UBE2S: variants seen among roughly 807,000 people sequenced by gnomAD.
UBE2S encodes the protein ubiquitin conjugating enzyme E2 S.
UBE2S carries 3 observed loss-of-function variants against 12.3 expected under a neutral mutation model. The observed-to-expected ratio is 0.24, with a 90% CI of 0.11 to 0.63. UBE2S has a LOEUF of 0.63. Among genes scored for constraint, UBE2S ranks in the 30% least tolerant of loss-of-function variants. The pLI is 0.85. For synonymous variants in UBE2S, 133 were observed against 142.0 expected (o/e 0.94, Z 0.45); for missense variants, 211 against 313.9 (o/e 0.67, Z 2.48).
chr19:55,401,830 G>A (rs2090061643), intron 3 of UBE2S, 68 bp from the exon 4 acceptor site: 1 of 1,550,662 alleles, frequency 6.4e-7, no homozygotes, highest in Non-Finnish European at 8.9e-7. Flanking sequence ...CTCCACAAGA[G>A]GGTGGCCTCC....
At chr19:55,407,280 A>G (rs998868395) in intron 1 of UBE2S, among the ~76,000 whole-genome samples, 23 of 129,858 alleles carry the variant, frequency 1.8e-4, no homozygotes, top group Admixed American at 2.9e-4. Context: ...CCCCTTCTCC[A>G]CTAATTTTTG....
Position 55,404,321 on chromosome 19 carries a change from C to T in UBE2S, c.309G>A (p.Trp103Ter). ...EICVNVLKRD[W>*]TAELGIRHVL... ...CGTGTCGGATGCCCAGCTCAGCCGT[C>T]CAGTCCCTCTTGAGCACGTTGACGC... Residue 103 changes from tryptophan to a stop codon, truncating the protein, a stop_gained, in exon 3 of 4, where the codon TGG becomes TGA. Coordinates refer to ENST00000264552, the MANE Select transcript of UBE2S (RefSeq NM_014501.3). LOFTEE classifies it low-confidence loss of function (END_TRUNC). This position sits in a 1 kb window ranked among gnomAD's most constrained non-coding sequence, Gnocchi z 4.4. The T allele has an allele frequency of 6.2e-7, 1 of 1,613,564 alleles. No individual in the cohort carries two copies. The highest frequency in any genetic ancestry group is 8.5e-7 in the Non-Finnish European group (1 of 1,179,872).
intron 1 of UBE2S, 36 bp from the exon 2 acceptor site, chr19:55,406,998 T>TA (rs1163858020): frequency 6.2e-7 from 1 of 1,605,794 alleles, no homozygotes; most frequent in Non-Finnish European, 8.5e-7. Context: ...GAGCGAGTGT[T>TA]AAGAGCTGGG....
In UBE2S at chr19:55,401,562, G is replaced by T; in HGVS notation, c.543C>A (p.Asp181Glu). 2 of 1,610,378 alleles carry T rather than the reference G, an allele frequency of 1.2e-6. No homozygotes were observed. Among genetic ancestry groups the T allele is most frequent in the East Asian group, 2.2e-5 (1 of 44,836 alleles). Residue 181 changes from aspartate (D) to glutamate (E), a missense_variant, in exon 4 of 4, where the codon GAC becomes GAA. Physicochemically the swap from Asp to Glu is conservative, Grantham distance 45 (BLOSUM62 2). This residue lies in a region of UBE2S where 84 missense variants were observed against 89.9 expected (regional missense o/e 0.93). Transcript: ENST00000264552. ...LASGTEASSTDPGAPGGPGGA... is the reference protein window; with the variant it reads ...LASGTEASSTEPGAPGGPGGA... ...CTCCCGGGCCCCCTGGGGCCCCAGG[G>T]TCGGTGGAGGAAGCTTCAGTGCCAC...
rs989660990 is a variant in UBE2S, at chr19:55,400,235, C to T, written c.*1201G>A. On this transcript the variant is annotated 3_prime_UTR_variant, in exon 4 of 4. Coordinates refer to ENST00000264552, the MANE Select transcript of UBE2S (RefSeq NM_014501.3). ...AGATGGGATCTCACTGTGTTGCCCA[C>T]GTTCGTCTTTAACTCCTGGCCTCAA... 23 of 152,200 alleles carry T rather than the reference C, an allele frequency of 1.5e-4. No homozygotes were observed. Among genetic ancestry groups the T allele is most frequent in the African/African-American group, 4.6e-4 (19 of 41,434 alleles). 9.4% of individuals were successfully genotyped at this position (152,200 alleles called of 1,614,324 possible).
intron 3 of UBE2S, chr19:55,402,810 GA>G (rs2090070572): frequency 8.6e-6 from 6 of 700,752 alleles, no homozygotes; most frequent in Non-Finnish European, 1.4e-5. Flanking sequence ...ATGTGGGAGG[GA>G]AGGGTTTGGG....
chr19:55,407,694 G>T lies in UBE2S; in HGVS notation c.-105C>A. The T allele has an allele frequency of 1.1e-6, 1 of 879,272 alleles. No individual in the cohort carries two copies. Among genetic ancestry groups the T allele is most frequent in the Non-Finnish European group, 1.5e-6 (1 of 659,528 alleles). The allele number at this position is 879,272 out of a possible 1,614,324, so 54.5% of individuals were successfully genotyped here. On this transcript the variant is annotated 5_prime_UTR_variant, in exon 1 of 4. Transcript: ENST00000264552. ...CTGCTGCCGCTGCGGCCCTGGAGAG[G>T]CCCCGGCGGCCCCGCTCCGCTCCCC...
chr19:55,402,367 G>A (rs964495471), intron 3 of UBE2S, among the ~76,000 whole-genome samples: 1 of 152,236 alleles, frequency 6.6e-6, no homozygotes, highest in Admixed American at 6.5e-5. Flanking sequence ...AAGAGGGCAA[G>A]ACACCAGGAC....
chr19:55,406,800 TC>T lies in UBE2S; in HGVS notation c.151+14del, dbSNP rs1338373898. 8.7e-6 allele frequency: 14 copies of T among 1,606,396 alleles called. No individual in the cohort carries two copies. The highest frequency in any genetic ancestry group is 1.2e-5 in the Non-Finnish European group (14 of 1,175,980). Reference sequence around the variant, plus strand: ...TCTAAGCAGCAGCCCCTTCTCTTTTTCCTTCCAAACTCACCAGGGCCCTCGA... The same window carrying T: ...TCTAAGCAGCAGCCCCTTCTCTTTTTCTTCCAAACTCACCAGGGCCCTCGA... On this transcript the variant is annotated intron_variant, in intron 2 of 3. Coordinates refer to ENST00000264552, the MANE Select transcript of UBE2S (RefSeq NM_014501.3).
chr19:55,404,126 A>T lies in UBE2S; in HGVS notation c.342+162T>A. 1 of 914,806 alleles carries T rather than the reference A, an allele frequency of 1.1e-6. No homozygotes were observed. The highest frequency in any genetic ancestry group is 1.6e-6 in the Non-Finnish European group (1 of 607,186). The allele number at this position is 914,806 out of a possible 1,614,324, so 56.7% of individuals were successfully genotyped here. A position where few individuals can be genotyped will look rare whatever the true frequency, so the allele number is the denominator to read the frequency against. ...AGTACTTGGGTGTCCTGGGTCTGGC[A>T]CTGTTTGTCTTTCCAGGAAAGCTAG... On this transcript the variant is annotated intron_variant, in intron 3 of 3. Coordinates refer to ENST00000264552, the MANE Select transcript of UBE2S (RefSeq NM_014501.3). The surrounding 1 kb of genome is among the most constrained non-coding windows in gnomAD (Gnocchi z 4.4).
intron 3 of UBE2S, among the ~76,000 whole-genome samples, chr19:55,402,594 G>A (rs1373197554): frequency 6.6e-6 from 1 of 152,184 alleles, no homozygotes; most frequent in African/African-American, 2.4e-5. Flanking sequence ...CTCAGCAGAT[G>A]CTCAGCAGAT....
intron 2 of UBE2S, among the ~76,000 whole-genome samples, chr19:55,405,013 C>G (rs1425889755): frequency 1.3e-5 from 2 of 150,724 alleles, no homozygotes; most frequent in Non-Finnish European, 3.0e-5. Context: ...GAGTTCAAGA[C>G]CAGCCAGACC....
intron 2 of UBE2S, among the ~76,000 whole-genome samples, chr19:55,406,458 G>T (rs2090096629): frequency 6.6e-6 from 1 of 152,122 alleles, no homozygotes; most frequent in Non-Finnish European, 1.5e-5. Context: ...TGGAGTTTGA[G>T]ATCACCTGGC....
chr19:55,406,696 T>C, intron 2 of UBE2S, 119 bp downstream of exon 2: 1 of 1,303,674 alleles, frequency 7.7e-7, no homozygotes, highest in African/African-American at 1.5e-5. Flanking sequence ...TGTCCACCAA[T>C]GCATCCCAAC....
intron 3 of UBE2S, chr19:55,403,124 A>C: frequency 1.2e-6 from 1 of 809,194 alleles, no homozygotes; most frequent in Non-Finnish European, 2.1e-6. Context: ...GGCACCCCCG[A>C]GTTGTGACAA....
intron 1 of UBE2S, among the ~76,000 whole-genome samples, chr19:55,407,195 A>AACC (rs2090101920): frequency 6.1e-5 from 7 of 115,342 alleles, no homozygotes; most frequent in Admixed American, 9.3e-5. Context: ...CCACCCCAGA[A>AACC]CCCCCCCCCC....
chr19:55,402,286 T>C (rs2090065619), intron 3 of UBE2S, among the ~76,000 whole-genome samples: 1 of 152,212 alleles, frequency 6.6e-6, no homozygotes, highest in African/African-American at 2.4e-5. Flanking sequence ...ACAGCATAAA[T>C]CCTGACCTCT....
In UBE2S at chr19:55,407,756, A is replaced by C; in HGVS notation, c.-167T>G. On this transcript the variant is annotated 5_prime_UTR_variant, in exon 1 of 4. Coordinates refer to ENST00000264552, the MANE Select transcript of UBE2S (RefSeq NM_014501.3). ...CGTCCGCCGCGCACAGCGTAGACCA[A>C]CCCGCCGCCCCGGTGCCCGGCAGCA... 2 of 425,174 alleles carry C rather than the reference A, an allele frequency of 4.7e-6. No homozygotes were observed. The highest frequency in any genetic ancestry group is 7.6e-6 in the Non-Finnish European group (2 of 263,980). 26.3% of individuals were successfully genotyped at this position (425,174 alleles called of 1,614,324 possible). A position where few individuals can be genotyped will look rare whatever the true frequency, so the allele number is the denominator to read the frequency against.
chr19:55,401,348 C>G lies in UBE2S; in HGVS notation c.*88G>C, dbSNP rs2090056152. 1 of 1,021,084 alleles carries G rather than the reference C, an allele frequency of 9.8e-7. No homozygotes were observed. The highest frequency in any genetic ancestry group is 1.6e-5 in the African/African-American group (1 of 61,842). The allele number at this position is 1,021,084 out of a possible 1,614,324, so 63.3% of individuals were successfully genotyped here. On this transcript the variant is annotated 3_prime_UTR_variant, in exon 4 of 4. Transcript: ENST00000264552. ...AGTGCCCCCTGTACCCTCCCCGACC[C>G]CAGCCATAATTTAAATAACTTAGAG...
Sources: gnomAD v4.1 joint callset for allele counts (sites outside exome capture counted in the v4.1 genomes callset) on GRCh38, gnomAD v4.1.1 for gene constraint, gnomAD v4.1.1 regional missense constraint, Gnocchi (gnomAD v3.1) non-coding constraint, MANE v1.5 for transcripts, NCBI Gene and HGNC (gene_info 2026-07-23, HGNC 2026-07-21) for gene names.